Variants in MAMDC2 observed in about 807,000 individuals in gnomAD.
MAMDC2 encodes the protein MAM domain-containing protein 2.
In MAMDC2, 57 loss-of-function variants were observed where a neutral mutation model predicts 89.8. The observed-to-expected ratio is 0.63, with a 90% CI of 0.51 to 0.79. MAMDC2 has a LOEUF of 0.79. Among genes scored for constraint, MAMDC2 ranks in the 30% least tolerant of loss-of-function variants. MAMDC2 has a pLI of 0.00. For missense variants in MAMDC2, 800 were observed against 820.6 expected (o/e 0.97, Z 0.31); for synonymous variants, 313 against 293.4 (o/e 1.07, Z -0.68).
intron 5 of MAMDC2, among the ~76,000 whole-genome samples, chr9:70,122,067 T>C (rs2030309714): frequency 6.6e-6 from 1 of 152,232 alleles, no homozygotes; most frequent in Non-Finnish European, 1.5e-5. Context: ...CATGATGAGC[T>C]ACCTTTTGTT....
chr9:70,160,866 CTTG>C (rs138612515), intron 9 of MAMDC2, among the ~76,000 whole-genome samples: 10,475 of 152,242 alleles, frequency 0.069, 570 homozygotes, highest in East Asian at 0.22. Flanking sequence ...TGACAGGAAG[CTTG>C]TTGTAAACAC....
intron 2 of MAMDC2, among the ~76,000 whole-genome samples, chr9:70,099,489 A>T (rs1048007062): frequency 3.9e-5 from 6 of 152,146 alleles, no homozygotes; most frequent in Non-Finnish European, 7.3e-5. Context: ...CTTTGCAGAA[A>T]CTTCATGAAC....
chr9:70,205,216 C>T (rs2033200124), intron 11 of MAMDC2, among the ~76,000 whole-genome samples: 1 of 152,168 alleles, frequency 6.6e-6, no homozygotes, highest in Non-Finnish European at 1.5e-5. Context: ...GTGTCTAATT[C>T]AGTGGCACTG....
intron 9 of MAMDC2, among the ~76,000 whole-genome samples, chr9:70,150,418 C>G (rs140488013): frequency 6.6e-6 from 1 of 152,238 alleles, no homozygotes; most frequent in East Asian, 1.9e-4. Flanking sequence ...GCTTAGCATA[C>G]ATTTTGTATT....
At chr9:70,191,351 T>G (rs1563993437) in intron 11 of MAMDC2, among the ~76,000 whole-genome samples, 1 of 151,534 alleles carries the variant, frequency 6.6e-6, no homozygotes, top group Non-Finnish European at 1.5e-5. Flanking sequence ...TGTAACTGTT[T>G]TATCTATTTT....
intron 11 of MAMDC2, among the ~76,000 whole-genome samples, chr9:70,191,277 C>T (rs890317125): frequency 3.1e-4 from 47 of 152,114 alleles, no homozygotes; most frequent in Admixed American, 3.0e-3. Context: ...CCTTACTCCA[C>T]CATTTCAAAG....
Position 70,168,919 on chromosome 9 carries a change from C to A in MAMDC2, c.1498+124C>A. 3.9e-6 allele frequency: 3 copies of A among 761,148 alleles called. No homozygotes were observed. In the South Asian group the frequency reaches 5.3e-5, roughly 14 times the overall value. 47.1% of individuals were successfully genotyped at this position (761,148 alleles called of 1,614,324 possible). On this transcript the variant is annotated intron_variant, in intron 10 of 13. Coordinates refer to ENST00000377182, the MANE Select transcript of MAMDC2 (RefSeq NM_153267.5). ...CTTTGCTTTTGTTGACAAAGTGTCTCCTGCAGAGCTGTGTAGCAGGCTTTG... is the reference window on the plus strand; with the variant it reads ...CTTTGCTTTTGTTGACAAAGTGTCTACTGCAGAGCTGTGTAGCAGGCTTTG...
intron 7 of MAMDC2, among the ~76,000 whole-genome samples, chr9:70,133,391 G>A (rs769450002): frequency 6.6e-6 from 1 of 152,188 alleles, no homozygotes; most frequent in Non-Finnish European, 1.5e-5. Flanking sequence ...GAAAAGAAAC[G>A]TTCCAGCAAA....
At chr9:70,135,592 A>G (rs920583138) in intron 7 of MAMDC2, among the ~76,000 whole-genome samples, 1 of 152,124 alleles carries the variant, frequency 6.6e-6, no homozygotes, top group Non-Finnish European at 1.5e-5. Flanking sequence ...GTCTATCACC[A>G]TGGAGAGAAG....
At chr9:70,197,466 T>TATCTA (rs1207584816) in intron 11 of MAMDC2, among the ~76,000 whole-genome samples, 2 of 152,136 alleles carry the variant, frequency 1.3e-5, no homozygotes, top group African/African-American at 2.4e-5. Context: ...AAGAACATGT[T>TATCTA]ATCTACAAAG....
chr9:70,221,461 G>C (rs1351579092), intron 12 of MAMDC2, among the ~76,000 whole-genome samples: 1 of 147,060 alleles, frequency 6.8e-6, no homozygotes, highest in Non-Finnish European at 1.5e-5. Context: ...CATGGAAGTA[G>C]AGAGTAGAAT....
At chr9:70,119,890 T>G (rs1453733755) in intron 5 of MAMDC2, among the ~76,000 whole-genome samples, 1 of 152,190 alleles carries the variant, frequency 6.6e-6, no homozygotes, top group Non-Finnish European at 1.5e-5. Context: ...TTGATGACCT[T>G]CATACAGCAC....
Position 70,183,837 on chromosome 9 carries a change from C to T in MAMDC2, c.1651+13206C>T, listed in dbSNP as rs563950857. Among the ~76,000 whole-genome samples, 49 of 152,078 alleles carry T rather than the reference C, an allele frequency of 3.2e-4. 1 individual carries two copies. The highest frequency in any genetic ancestry group is 1.0e-3 in the African/African-American group (42 of 41,488). ...TGTCTTTTAATTGGGGCATTTAGCC[C>T]GTTTACATTTAAGATTAATATTGTT... On this transcript the variant is annotated intron_variant, in intron 11 of 13. Transcript: ENST00000377182.
chr9:70,044,716 G>A lies in MAMDC2; in HGVS notation c.148+19G>A. On this transcript the variant is annotated intron_variant, in intron 2 of 13. Transcript: ENST00000377182. ...GAGGAAGGTAAGGAGGCTCGGTGGAGAGGGGCGCGAAGTGAACTTTCTTCC... is the reference window on the plus strand; with the variant it reads ...GAGGAAGGTAAGGAGGCTCGGTGGAAAGGGGCGCGAAGTGAACTTTCTTCC... 2 of 1,523,988 alleles carry A rather than the reference G, an allele frequency of 1.3e-6. No individual in the cohort carries two copies. The highest frequency in any genetic ancestry group is 1.2e-5 in the South Asian group (1 of 83,528). The allele number at this position is 1,523,988 out of a possible 1,614,324, so 94.4% of individuals were successfully genotyped here.
intron 2 of MAMDC2, among the ~76,000 whole-genome samples, chr9:70,051,920 T>TAGAC (rs1471348823): frequency 3.3e-5 from 5 of 151,716 alleles, no homozygotes; most frequent in African/African-American, 1.2e-4. Context: ...GATAGATAGA[T>TAGAC]AGATAGACAG....
chr9:70,215,110 A>G (rs1271129891), intron 11 of MAMDC2, among the ~76,000 whole-genome samples: 1 of 152,232 alleles, frequency 6.6e-6, no homozygotes, highest in African/African-American at 2.4e-5. Flanking sequence ...TCCAGGGTCA[A>G]AAGGTCAGGA....
chr9:70,120,886 T>C (rs1389886598), intron 5 of MAMDC2, among the ~76,000 whole-genome samples: 1 of 152,170 alleles, frequency 6.6e-6, no homozygotes, highest in Non-Finnish European at 1.5e-5. Context: ...TGGAAAAACA[T>C]GCATCATAAC....
At chr9:70,166,010 G>C (rs567538834) in intron 9 of MAMDC2, among the ~76,000 whole-genome samples, 2 of 152,120 alleles carry the variant, frequency 1.3e-5, no homozygotes, top group Non-Finnish European at 1.5e-5. Context: ...GAGGCCAAGC[G>C]GGTGGATATC....
intron 11 of MAMDC2, among the ~76,000 whole-genome samples, chr9:70,199,883 C>A (rs1354246853): frequency 3.3e-5 from 5 of 151,474 alleles, no homozygotes; most frequent in African/African-American, 4.9e-5. Context: ...CCTTCGCCCA[C>A]TTTTTGATGG....
Sources: allele counts gnomAD v4.1 joint callset (sites outside exome capture counted in the v4.1 genomes callset), GRCh38; gene constraint gnomAD v4.1.1; transcripts MANE v1.5; gene names NCBI Gene and HGNC (gene_info 2026-07-23, HGNC 2026-07-21).